Variants in NELL1 observed in about 807,000 individuals in gnomAD.
NELL1 encodes the protein neural EGFL like 1.
NELL1 carries 76 observed loss-of-function variants against 107.4 expected under a neutral mutation model. The ratio of observed to expected loss-of-function variants is 0.71; its 90% CI spans 0.59 to 0.86. The LOEUF is 0.86. Among genes scored for constraint, NELL1 ranks in the 40% least tolerant of loss-of-function variants. NELL1 has a pLI of 0.00. For missense variants in NELL1, 1,024 were observed against 1,005.5 expected, an observed-to-expected ratio of 1.02 and a Z score of -0.25; for synonymous variants, 353 against 341.2, an observed-to-expected ratio of 1.03 and a Z score of -0.38.
chr11:21,020,188 A>G (rs75350647), intron 12 of NELL1, among the ~76,000 whole-genome samples: 1,585 of 152,236 alleles, frequency 0.01, 31 homozygotes, highest in African/African-American at 0.036. Context: ...GCACTTAGTA[A>G]GTGCTTAGCA....
intron 4 of NELL1, among the ~76,000 whole-genome samples, chr11:20,865,410 C>T (rs1005466337): frequency 1.3e-5 from 2 of 151,996 alleles, no homozygotes; most frequent in African/African-American, 4.8e-5. Context: ...AGTGGGAGGC[C>T]GGGTGGGATG....
intron 9 of NELL1, among the ~76,000 whole-genome samples, chr11:20,931,943 A>G (rs895840771): frequency 7.9e-5 from 12 of 152,160 alleles, no homozygotes; most frequent in Admixed American, 2.6e-4. Flanking sequence ...GCCAATATGT[A>G]AAAGCAGATT....
At chr11:21,014,600 A>G (rs1852523019) in intron 12 of NELL1, among the ~76,000 whole-genome samples, 1 of 152,098 alleles carries the variant, frequency 6.6e-6, no homozygotes, top group Admixed American at 6.6e-5. Flanking sequence ...ATATTTCTGT[A>G]ATTATTTGCC....
chr11:20,742,868 T>C (rs1855922024), intron 2 of NELL1, among the ~76,000 whole-genome samples: 1 of 152,108 alleles, frequency 6.6e-6, no homozygotes, highest in Non-Finnish European at 1.5e-5. Context: ...TTTTTGGAGG[T>C]GGAAGAGCTG....
chr11:21,500,447 C>T (rs920784519), intron 15 of NELL1, among the ~76,000 whole-genome samples: 3 of 151,976 alleles, frequency 2.0e-5, no homozygotes, highest in Non-Finnish European at 2.9e-5. Flanking sequence ...GTTAGCTCTC[C>T]GTGCAAGATG....
chr11:20,916,072 T>C (rs1850249493), intron 5 of NELL1, among the ~76,000 whole-genome samples: 1 of 151,858 alleles, frequency 6.6e-6, no homozygotes, highest in African/African-American at 2.4e-5. Flanking sequence ...CCATCTTGAT[T>C]CATTTGGTAA....
At position 21,483,296 on chromosome 11, in the gene NELL1, C is replaced by G. The variant is rs145641255; in HGVS notation, c.1646-51078C>G. The stretch of plus-strand genomic sequence containing the variant: ...CGAATCACTTTACCATGAATATAGT[C>G]GACAGAACTGCTTCCAGGTAAAGCT... On this transcript the variant is annotated intron_variant, in intron 15 of 19. Transcript: ENST00000357134. Among the ~76,000 whole-genome samples the G allele has an allele frequency of 2.6e-4, 40 of 152,246 alleles. No homozygotes were observed. The East Asian group carries it at 4.4e-3, about 17-fold the overall frequency.
intron 14 of NELL1, among the ~76,000 whole-genome samples, chr11:21,245,403 G>T (rs1012443886): frequency 2.6e-5 from 4 of 152,158 alleles, no homozygotes; most frequent in Non-Finnish European, 4.4e-5. Context: ...AAAGTGCTTG[G>T]CACAGTGCTT....
chr11:21,039,408 A>G (rs957915045), intron 12 of NELL1, among the ~76,000 whole-genome samples: 2 of 151,888 alleles, frequency 1.3e-5, no homozygotes, highest in Non-Finnish European at 2.9e-5. Context: ...CTGGTCTTAA[A>G]CTCCTGACCT....
At chr11:21,493,934 T>C (rs776693440) in intron 15 of NELL1, among the ~76,000 whole-genome samples, 2 of 151,966 alleles carry the variant, frequency 1.3e-5, no homozygotes, top group Admixed American at 6.6e-5. Context: ...CACAATTTAC[T>C]CCTTTCCCTT....
intron 11 of NELL1, among the ~76,000 whole-genome samples, chr11:20,954,489 T>C (rs1459550621): frequency 6.6e-6 from 1 of 152,236 alleles, no homozygotes; most frequent in African/African-American, 2.4e-5. Context: ...ATTGCCTTGA[T>C]TGAGGCCATA....
chr11:21,550,285 T>G (rs931849599), intron 16 of NELL1, among the ~76,000 whole-genome samples: 8 of 151,992 alleles, frequency 5.3e-5, no homozygotes, highest in African/African-American at 1.7e-4. Context: ...TCCCATTTTG[T>G]AGGTTGCCTG....
intron 4 of NELL1, among the ~76,000 whole-genome samples, chr11:20,849,375 G>A (rs906671897): frequency 6.6e-6 from 1 of 152,146 alleles, no homozygotes; most frequent in Non-Finnish European, 1.5e-5. Flanking sequence ...GGCCTTCAGT[G>A]CTCAGTCTAC....
At chr11:21,234,151 AT>A (rs1485103741) in intron 14 of NELL1, among the ~76,000 whole-genome samples, 1 of 152,226 alleles carries the variant, frequency 6.6e-6, no homozygotes, top group Non-Finnish European at 1.5e-5. Flanking sequence ...AGTAATAGAA[AT>A]CCACTGGCAA....
intron 14 of NELL1, among the ~76,000 whole-genome samples, chr11:21,240,795 T>C (rs1858337031): frequency 6.6e-6 from 1 of 151,388 alleles, no homozygotes; most frequent in South Asian, 2.1e-4. Context: ...GTCTATTGGA[T>C]GCGCTTAAAA....
At position 21,405,893 on chromosome 11, in the gene NELL1, A is replaced by G. The variant is rs371120028; in HGVS notation, c.1645+34945A>G. Among the ~76,000 whole-genome samples, 181 of 152,084 alleles carry G rather than the reference A, an allele frequency of 1.2e-3. 4 individuals are homozygous for G. The South Asian group carries it at 0.037, about 31-fold the overall frequency. The stretch of plus-strand genomic sequence containing the variant: ...AACTTTTAACTACATTAGTCCTGAT[A>G]CCTGGGAAGATGCTTGCTAGGCCAG... On this transcript the variant is annotated intron_variant, in intron 15 of 19. Coordinates refer to ENST00000357134, the MANE Select transcript of NELL1 (RefSeq NM_006157.5).
chr11:20,845,180 T>A (rs962347682), intron 3 of NELL1, among the ~76,000 whole-genome samples: 2 of 152,226 alleles, frequency 1.3e-5, no homozygotes, highest in Admixed American at 1.3e-4. Flanking sequence ...ATGTGCAGGA[T>A]GTGGCCAGAA....
chr11:21,185,944 G>T (rs1856926146), intron 13 of NELL1, among the ~76,000 whole-genome samples: 1 of 151,772 alleles, frequency 6.6e-6, no homozygotes, highest in Non-Finnish European at 1.5e-5. Flanking sequence ...AGAACTTATT[G>T]GTAGGATGAT....
chr11:21,156,191 C>T (rs932431018), intron 13 of NELL1, among the ~76,000 whole-genome samples: 1 of 152,096 alleles, frequency 6.6e-6, no homozygotes, highest in African/African-American at 2.4e-5. Context: ...ACTGAAGCTG[C>T]AGAAAACACA....
Sources: gnomAD v4.1 joint callset for allele counts (sites outside exome capture counted in the v4.1 genomes callset) on GRCh38, gnomAD v4.1.1 for gene constraint, MANE v1.5 for transcripts, NCBI Gene and HGNC (gene_info 2026-07-23, HGNC 2026-07-21) for gene names.